Variants in NBAS observed in about 807,000 individuals in gnomAD.
NBAS encodes NAG/BC035112 fusion.
A neutral mutation model predicts 302.5 loss-of-function variants in NBAS; 219 were observed. The observed-to-expected ratio is 0.72, with a 90% confidence interval of 0.65 to 0.81. The LOEUF (loss-of-function observed/expected upper bound fraction) is 0.81. Ranked by LOEUF, NBAS falls within the 30% of genes least tolerant of loss-of-function variation. NBAS has a pLI of 0.00. For missense variants in NBAS, 2,932 were observed against 2,841.6 expected (o/e 1.03, Z -0.72); for synonymous variants, 1,118 against 1,021.6 (o/e 1.09, Z -1.80).
At chr2:14,811,227 A>T in the NBAS span, among the ~76,000 whole-genome samples, 1 of 152,086 alleles carries the variant, frequency 6.6e-6, no homozygotes, top group African/African-American at 2.4e-5. Context: ...TGGCAACATA[A>T]TGAGACTCTG....
chr2:15,200,887 T>C (rs1283077118), intron 48 of NBAS, among the ~76,000 whole-genome samples: 2 of 152,228 alleles, frequency 1.3e-5, no homozygotes, highest in African/African-American at 2.4e-5. Flanking sequence ...ATTAGGGTAC[T>C]TTTGAAATAT....
chr2:15,434,780 G>A (rs1677930176), intron 21 of NBAS, among the ~76,000 whole-genome samples: 1 of 152,084 alleles, frequency 6.6e-6, no homozygotes, highest in African/African-American at 2.4e-5. Flanking sequence ...TATTAAATGT[G>A]GTAACACGGA....
chr2:14,835,745 C>T, the NBAS span, among the ~76,000 whole-genome samples: 3 of 151,980 alleles, frequency 2.0e-5, no homozygotes, highest in Non-Finnish European at 4.4e-5. Context: ...GTTTGAGTTG[C>T]TTCAAGTTTG....
At chr2:15,559,019 T>C (rs1664780317) in intron 1 of NBAS, among the ~76,000 whole-genome samples, 2 of 125,608 alleles carry the variant, frequency 1.6e-5, no homozygotes, top group African/African-American at 6.0e-5. Flanking sequence ...GCCCTGATCA[T>C]GCCACTGCAC....
intron 35 of NBAS, among the ~76,000 whole-genome samples, chr2:15,339,783 A>G (rs1262511034): frequency 6.6e-6 from 1 of 152,188 alleles, no homozygotes; most frequent in Non-Finnish European, 1.5e-5. Context: ...ATGAAGTGAC[A>G]TTTGAGCAGA....
At chr2:14,989,035 A>T in the NBAS span, among the ~76,000 whole-genome samples, 9 of 152,200 alleles carry the variant, frequency 5.9e-5, no homozygotes, top group Admixed American at 6.5e-5. Context: ...CAATAAAAGA[A>T]TAAAGTTAAA....
chr2:15,268,337 G>A (rs540065632), intron 44 of NBAS, among the ~76,000 whole-genome samples: 3 of 152,286 alleles, frequency 2.0e-5, no homozygotes, highest in East Asian at 1.9e-4. Flanking sequence ...AAGTATATCC[G>A]TCCAACAATG....
At chr2:14,897,224 C>T in the NBAS span, among the ~76,000 whole-genome samples, 3 of 152,104 alleles carry the variant, frequency 2.0e-5, no homozygotes, top group African/African-American at 4.8e-5. Context: ...TCTTTTCCTG[C>T]CTTTCTTATT....
the NBAS span, among the ~76,000 whole-genome samples, chr2:14,943,225 C>A: frequency 6.6e-6 from 1 of 152,190 alleles, no homozygotes; most frequent in Non-Finnish European, 1.5e-5. Flanking sequence ...GAAAGGCCAC[C>A]GGATACACTT....
At chr2:15,190,566 C>CA (rs1313946207) in intron 48 of NBAS, among the ~76,000 whole-genome samples, 163 bp from the exon 49 acceptor site, 1 of 152,150 alleles carries the variant, frequency 6.6e-6, no homozygotes, top group Non-Finnish European at 1.5e-5. Flanking sequence ...AAGCCTTACT[C>CA]AATGTCAGAT....
At chr2:15,480,092 G>A (rs1239494712) in intron 12 of NBAS, among the ~76,000 whole-genome samples, 1 of 152,176 alleles carries the variant, frequency 6.6e-6, no homozygotes, top group Non-Finnish European at 1.5e-5. Flanking sequence ...TGTAATCCCA[G>A]AACTTTGGAA....
In NBAS at chr2:15,275,589, C is replaced by G. The variant is rs1356307276; in HGVS notation, c.5619G>C (p.Trp1873Cys). The G allele has an allele frequency of 6.2e-7, 1 of 1,614,136 alleles. No homozygotes were observed. The highest frequency in any genetic ancestry group is 8.5e-7 in the Non-Finnish European group (1 of 1,180,002). Residue 1873 changes from tryptophan (W) to cysteine (C), a missense_variant, in exon 44 of 52, where the codon TGG becomes TGC. Physicochemically the swap from Trp to Cys is radical, Grantham distance 215. Transcript: ENST00000281513. ...IKQVPGSSPE[W>C]LHAYDVCMKY... ...TCATGCAGACATCATAGGCATGAAGCCACTCCGGTGAAGAGCCTGGGACTT... is the reference window on the plus strand; with the variant it reads ...TCATGCAGACATCATAGGCATGAAGGCACTCCGGTGAAGAGCCTGGGACTT...
At position 15,277,048 on chromosome 2, in the gene NBAS, G is replaced by A. The variant is rs1274816752; in HGVS notation, c.5192C>T (p.Thr1731Ile). 6.2e-7 allele frequency: 1 copy of A among 1,613,808 alleles called. No individual in the cohort carries two copies. Among genetic ancestry groups the A allele is most frequent in the East Asian group, 2.2e-5 (1 of 44,870 alleles). The change falls in exon 43 of 52, where the codon ACT becomes ATT. Residue 1731 changes from threonine (T) to isoleucine (I), a missense_variant. Transcript: ENST00000281513. ...NRAQDLHLFE[T>I]LKTDPEAFHQ... ...AAAGGCTTCTGGATCAGTCTTCAAA[G>A]TCTCAAAGAGATGAAGGTCTTGGGC...
At chr2:14,788,063 T>A in the NBAS span, among the ~76,000 whole-genome samples, 1 of 152,212 alleles carries the variant, frequency 6.6e-6, no homozygotes. Flanking sequence ...TCACTTCATT[T>A]CATTCATTTC....
At chr2:14,901,050 G>A in the NBAS span, among the ~76,000 whole-genome samples, 1 of 152,170 alleles carries the variant, frequency 6.6e-6, no homozygotes, top group African/African-American at 2.4e-5. Context: ...AAATTCCCAT[G>A]GAGGTGAGGG....
chr2:15,337,021 C>G (rs954348645), intron 35 of NBAS, among the ~76,000 whole-genome samples: 2 of 152,088 alleles, frequency 1.3e-5, no homozygotes, highest in African/African-American at 4.8e-5. Context: ...TACCTGTAAT[C>G]CTACTAGTTT....
chr2:15,134,587 C>T, the NBAS span, among the ~76,000 whole-genome samples: 1 of 152,186 alleles, frequency 6.6e-6, no homozygotes, highest in South Asian at 2.1e-4. Context: ...AAGATCTTCA[C>T]TATTGATGAA....
chr2:14,788,559 G>A, the NBAS span, among the ~76,000 whole-genome samples: 2 of 152,144 alleles, frequency 1.3e-5, no homozygotes, highest in Non-Finnish European at 2.9e-5. Context: ...CTCAGCTGCA[G>A]GTCTGTTGGA....
rs752599321 is a variant in NBAS, at chr2:15,424,361, T to C, written c.2531A>G (p.Asp844Gly). Residue 844 changes from aspartate to glycine, a missense_variant, in exon 23 of 52, where the codon GAC becomes GGC. Transcript: ENST00000281513. ...TTCCTCTGCTCTGGTCTGATACCAG[T>C]CCATAACCTTCTCCACCGTAAGCTG... ...MTQLTVEKVMDWYQTRAEEIE... is the reference protein window; with the variant it reads ...MTQLTVEKVMGWYQTRAEEIE... 5 of 1,614,058 alleles carry C rather than the reference T, an allele frequency of 3.1e-6. No individual in the cohort carries two copies. The East Asian group carries it at 8.9e-5, about 29-fold the overall frequency.
Sources: allele counts gnomAD v4.1 joint callset (sites outside exome capture counted in the v4.1 genomes callset), GRCh38; gene constraint gnomAD v4.1.1; transcripts MANE v1.5; gene names NCBI Gene and HGNC (gene_info 2026-07-23, HGNC 2026-07-21).